The following SLC27A6 variants were observed in gnomAD, a reference collection of about 807,000 sequenced individuals.
The protein encoded by SLC27A6 is solute carrier family 27 member 6, also known as long-chain fatty acid transport protein 6.
In SLC27A6, 74 loss-of-function variants were observed where a neutral mutation model predicts 63.9. The observed-to-expected ratio is 1.16, with a 90% confidence interval of 0.96 to 1.40. The LOEUF (loss-of-function observed/expected upper bound fraction) is 1.40, where lower values mean the gene tolerates loss of function less well. Among genes scored for constraint, SLC27A6 ranks in the 40% most tolerant of loss-of-function variants. The probability of loss-of-function intolerance (pLI) is 0.00; values close to 1 mark genes in which losing one functional copy is unlikely to be tolerated. For missense variants in SLC27A6, 794 were observed against 732.9 expected, an observed-to-expected ratio of 1.08 and a Z score of -0.96; for synonymous variants, 287 against 260.8, an observed-to-expected ratio of 1.10 and a Z score of -0.97.
intron 4 of SLC27A6, among the ~76,000 whole-genome samples, chr5:129,004,216 G>A (rs1751443591): frequency 6.6e-6 from 1 of 152,108 alleles, no homozygotes; most frequent in South Asian, 2.1e-4. Flanking sequence ...GAGTCCCTCT[G>A]TCTCTGTGTG....
At chr5:128,998,416 A>G (rs1751230474) in intron 4 of SLC27A6, among the ~76,000 whole-genome samples, 2 of 152,158 alleles carry the variant, frequency 1.3e-5, no homozygotes, top group African/African-American at 2.4e-5. Context: ...GTAATTTTGT[A>G]GGTATTGAAA....
intron 1 of SLC27A6, among the ~76,000 whole-genome samples, chr5:128,968,781 G>A (rs1442528245): frequency 1.3e-5 from 2 of 151,996 alleles, no homozygotes; most frequent in Non-Finnish European, 2.9e-5. Flanking sequence ...GATCCCATTT[G>A]TCAATTTTGG....
chr5:129,029,130 A>T (rs1580751835), intron 8 of SLC27A6, among the ~76,000 whole-genome samples: 1 of 152,064 alleles, frequency 6.6e-6, no homozygotes, highest in Non-Finnish European at 1.5e-5. Flanking sequence ...CATGATAAGC[A>T]TTAAATGATT....
chr5:128,988,152 G>T (rs758161022), intron 2 of SLC27A6, among the ~76,000 whole-genome samples: 1 of 152,130 alleles, frequency 6.6e-6, no homozygotes, highest in South Asian at 2.1e-4. Flanking sequence ...AAAGTCCTGC[G>T]TAAAAATGAC....
In SLC27A6 at chr5:129,016,069, T is replaced by C; in HGVS notation, c.1154T>C (p.Leu385Ser). The C allele has an allele frequency of 6.3e-7, 1 of 1,591,150 alleles. No homozygotes were observed. Among genetic ancestry groups the C allele is most frequent in the Non-Finnish European group, 8.5e-7 (1 of 1,173,052 alleles). ...ATTGGAGCAATTGGGAGAACAAATT[T>C]GTTTTACAAAGTAAGTACAGCATTT... ...GRIGAIGRTN[L>S]FYKLLSTFDL... Residue 385 changes from leucine (L) to serine (S), a missense_variant, in exon 5 of 10, where the codon TTG (leucine) becomes TCG (serine). Leu to Ser is a moderately radical substitution (Grantham distance 145, BLOSUM62 -2). Transcript: ENST00000262462.
intron 1 of SLC27A6, among the ~76,000 whole-genome samples, chr5:128,984,351 C>G (rs1459465690): frequency 7.2e-5 from 11 of 152,148 alleles, no homozygotes; most frequent in Admixed American, 6.6e-4. Flanking sequence ...CTTGTTTTCA[C>G]CACTACTCCT....
chr5:128,969,273 T>C (rs56081013), intron 1 of SLC27A6, among the ~76,000 whole-genome samples: 20 of 152,212 alleles, frequency 1.3e-4, no homozygotes, highest in African/African-American at 4.8e-4. Context: ...GTATGAACTT[T>C]AAAGTAGTTT....
intron 1 of SLC27A6, among the ~76,000 whole-genome samples, chr5:128,982,511 A>G (rs1250287004): frequency 6.6e-6 from 1 of 152,190 alleles, no homozygotes; most frequent in Non-Finnish European, 1.5e-5. Context: ...AGACATACAT[A>G]TCATTAAGAA....
rs1397718897 is a variant in SLC27A6 at position 129,029,648 on chromosome 5, T to C, written c.1624T>C (p.Tyr542His). The change falls in exon 9 of 10, where the codon TAT becomes CAT. Residue 542 changes from tyrosine to histidine, a missense_variant. Tyr to His is a moderately conservative substitution (Grantham distance 83). Coordinates refer to ENST00000262462, the MANE Select transcript of SLC27A6 (RefSeq NM_001017372.3). ...TACATCTTTAGATTTGGAAAAAGTT[T>C]ATGAACAAGTTGTAACATTTCTACC... ...PNTSLDLEKV[Y>H]EQVVTFLPAY... 3.1e-6 allele frequency: 5 copies of C among 1,602,812 alleles called. No individual in the cohort carries two copies. In the East Asian group the frequency reaches 9.0e-5, roughly 29 times the overall value.
intron 5 of SLC27A6, among the ~76,000 whole-genome samples, chr5:129,017,813 CA>C (rs1751954849): frequency 6.6e-6 from 1 of 152,038 alleles, no homozygotes; most frequent in South Asian, 2.1e-4. Context: ...ATTATTTTAT[CA>C]CACTAAATGA....
At chr5:128,972,865 T>A (rs1750232252) in intron 1 of SLC27A6, among the ~76,000 whole-genome samples, 1 of 152,236 alleles carries the variant, frequency 6.6e-6, no homozygotes, top group African/African-American at 2.4e-5. Flanking sequence ...TTTTTAGAAT[T>A]TTCAGCTTTT....
chr5:128,974,898 A>G (rs2150128984), intron 1 of SLC27A6, among the ~76,000 whole-genome samples: 1 of 152,378 alleles, frequency 6.6e-6, no homozygotes, highest in South Asian at 2.1e-4. Context: ...TGTACTAAGT[A>G]GATCTTATTG....
intron 9 of SLC27A6, among the ~76,000 whole-genome samples, chr5:129,032,696 T>C (rs938831373): frequency 5.9e-5 from 9 of 152,042 alleles, no homozygotes; most frequent in Non-Finnish European, 1.0e-4. Context: ...CTGGCTCTTA[T>C]AGTATTCTGC....
intron 9 of SLC27A6, among the ~76,000 whole-genome samples, chr5:129,031,242 GCAGT>G (rs1286117541): frequency 6.6e-6 from 1 of 151,966 alleles, no homozygotes; most frequent in Non-Finnish European, 1.5e-5. Flanking sequence ...AAGCCTGACA[GCAGT>G]CAAATATTTG....
intron 4 of SLC27A6, among the ~76,000 whole-genome samples, chr5:129,009,397 A>C (rs953583490): frequency 1.3e-5 from 2 of 152,086 alleles, no homozygotes; most frequent in East Asian, 3.9e-4. Context: ...TCCTACTCAC[A>C]TACTCACTAT....
rs373731498 is a variant in SLC27A6, at chr5:129,014,348, G to A, written c.970-1537G>A. Among the ~76,000 whole-genome samples, 412 of 152,310 alleles carry A rather than the reference G, an allele frequency of 2.7e-3. 3 individuals carry two copies. Among genetic ancestry groups the A allele is most frequent in the African/African-American group, 9.6e-3 (399 of 41,566 alleles). On this transcript the variant is annotated intron_variant, in intron 4 of 9. Coordinates refer to ENST00000262462, the MANE Select transcript of SLC27A6 (RefSeq NM_001017372.3). ...TGGGAAAATGAACAAAGTTATGTAA[G>A]CTGTTTTGAAGGAAGTTTCATTGGT...
intron 6 of SLC27A6, among the ~76,000 whole-genome samples, chr5:129,024,024 C>A (rs1752160308): frequency 2.0e-5 from 3 of 150,950 alleles, no homozygotes; most frequent in Admixed American, 2.0e-4. Context: ...ATTTTCTATC[C>A]AAGGTTGGTT....
intron 4 of SLC27A6, among the ~76,000 whole-genome samples, chr5:129,014,274 G>A (rs897112351): frequency 1.1e-4 from 17 of 152,284 alleles, no homozygotes; most frequent in Admixed American, 9.2e-4. Context: ...ATAGACCAGC[G>A]TAGCCTCTAG....
chr5:128,997,053 T>C (rs1192847721), intron 4 of SLC27A6, among the ~76,000 whole-genome samples: 3 of 152,168 alleles, frequency 2.0e-5, no homozygotes, highest in Non-Finnish European at 2.9e-5. Flanking sequence ...CTTCAAGTGT[T>C]TTATCATGTT....
Sources: allele counts gnomAD v4.1 joint callset (sites outside exome capture counted in the v4.1 genomes callset), GRCh38; gene constraint gnomAD v4.1.1; transcripts MANE v1.5; gene names NCBI Gene and HGNC (gene_info 2026-07-23, HGNC 2026-07-21).